Variants in LIFR observed in about 807,000 individuals in gnomAD.
The protein encoded by LIFR is LIF receptor subunit alpha.
In LIFR, 84 loss-of-function variants were observed where a neutral mutation model predicts 122.2. That is an observed-to-expected ratio of 0.69 (90% CI 0.58 to 0.82). The LOEUF (loss-of-function observed/expected upper bound fraction) is 0.82, where lower values mean the gene tolerates loss of function less well. LIFR is among the 40% of genes least tolerant of loss of function. The probability of loss-of-function intolerance (pLI) is 0.00; values close to 1 mark genes in which losing one functional copy is unlikely to be tolerated. For missense variants in LIFR, 1,294 were observed against 1,311.6 expected (o/e 0.99, Z 0.21); for synonymous variants, 422 against 434.7 (o/e 0.97, Z 0.36).
chr5:38,563,691 C>T (rs1488190199), intron 1 of LIFR, among the ~76,000 whole-genome samples: 1 of 152,200 alleles, frequency 6.6e-6, no homozygotes, highest in East Asian at 1.9e-4. Flanking sequence ...AGCCCATCCT[C>T]CCTACAATCC....
At chr5:38,576,447 A>T (rs1019000475) in intron 1 of LIFR, among the ~76,000 whole-genome samples, 8 of 152,310 alleles carry the variant, frequency 5.3e-5, no homozygotes, top group Non-Finnish European at 1.0e-4. Context: ...GGCACTCTTG[A>T]CATCCAGAGC....
chr5:38,572,198 G>C (rs1749236944), intron 1 of LIFR, among the ~76,000 whole-genome samples: 1 of 152,198 alleles, frequency 6.6e-6, no homozygotes, highest in Admixed American at 6.5e-5. Context: ...AGGCTATACA[G>C]GAAGCATAGC....
intron 1 of LIFR, among the ~76,000 whole-genome samples, chr5:38,592,425 A>G (rs1749950474): frequency 6.6e-6 from 1 of 152,164 alleles, no homozygotes; most frequent in African/African-American, 2.4e-5. Context: ...TGGGAGCCTG[A>G]GGTGGGCAGA....
At chr5:38,604,415 A>G (rs1004911034) in intron 2 of LIFR, among the ~76,000 whole-genome samples, 3 of 152,144 alleles carry the variant, frequency 2.0e-5, no homozygotes, top group Admixed American at 6.5e-5. Flanking sequence ...TAGAAAGCTT[A>G]TTTTGCCAAG....
chr5:38,479,611 C>A lies in LIFR; in HGVS notation c.*1984G>T. On this transcript the variant is annotated 3_prime_UTR_variant, in exon 20 of 20. Coordinates refer to ENST00000453190, the MANE Select transcript of LIFR (RefSeq NM_001127671.2). Reference sequence around the variant, plus strand: ...AAACTTTTACTGTAGCCACACTTATCCTTGTCCTGGAGAGATAAAGTACGG... The same window carrying A: ...AAACTTTTACTGTAGCCACACTTATACTTGTCCTGGAGAGATAAAGTACGG... The A allele has an allele frequency of 4.4e-6, 1 of 228,876 alleles. No individual in the cohort carries two copies. Among genetic ancestry groups the A allele is most frequent in the Non-Finnish European group, 8.7e-6 (1 of 115,326 alleles). The allele number at this position is 228,876 out of a possible 1,614,324, so 14.2% of individuals were successfully genotyped here. A position where few individuals can be genotyped will look rare whatever the true frequency, so the allele number is the denominator to read the frequency against.
intron 1 of LIFR, among the ~76,000 whole-genome samples, chr5:38,544,200 C>T (rs1254722116): frequency 6.6e-6 from 1 of 152,116 alleles, no homozygotes; most frequent in Non-Finnish European, 1.5e-5. Context: ...CCTCTTGTTT[C>T]CAGTCTTGCT....
chr5:38,576,603 A>C (rs1296536244), intron 1 of LIFR, among the ~76,000 whole-genome samples: 2 of 152,230 alleles, frequency 1.3e-5, no homozygotes, highest in Admixed American at 6.5e-5. Flanking sequence ...TCCGATAAGC[A>C]AACAACTACA....
chr5:38,596,306 T>C (rs1030812356), upstream of LIFR, among the ~76,000 whole-genome samples: 3 of 152,210 alleles, frequency 2.0e-5, no homozygotes, highest in African/African-American at 4.8e-5. Flanking sequence ...TCGTTAGGTA[T>C]GGGATCTGGG....
chr5:38,580,231 T>A (rs1450067709), intron 1 of LIFR, among the ~76,000 whole-genome samples: 1 of 152,190 alleles, frequency 6.6e-6, no homozygotes, highest in Non-Finnish European at 1.5e-5. Context: ...TAAGGTGCAA[T>A]GTGATTTATG....
Position 38,481,535 on chromosome 5 carries a change from T to C in LIFR, c.*60A>G, listed in dbSNP as rs1249775289. 5 of 1,559,552 alleles carry C rather than the reference T, an allele frequency of 3.2e-6. No homozygotes were observed. The African/African-American group carries it at 6.8e-5, about 21-fold the overall frequency. Reference sequence around the variant, plus strand: ...CCTCCAAGAATGCCCAGTGCTGATGTAGCAACACTAGCAGTAAGAGCTTAT... The same window carrying C: ...CCTCCAAGAATGCCCAGTGCTGATGCAGCAACACTAGCAGTAAGAGCTTAT... On this transcript the variant is annotated 3_prime_UTR_variant, in exon 20 of 20. Transcript: ENST00000453190.
upstream of LIFR, chr5:38,558,174 T>C (rs902124746): frequency 6.6e-6 from 1 of 152,020 alleles, no homozygotes; most frequent in African/African-American, 2.4e-5. Context: ...AATACAATCT[T>C]AAAATGTATG....
chr5:38,499,420 G>A (rs1745058417), intron 12 of LIFR, 93 bp downstream of exon 12: 2 of 856,918 alleles, frequency 2.3e-6, no homozygotes, highest in African/African-American at 3.3e-5. Context: ...GCCAGTCTGG[G>A]AAGTTTCAGC....
chr5:38,485,143 C>A (rs754345245), intron 17 of LIFR, among the ~76,000 whole-genome samples: 1 of 152,154 alleles, frequency 6.6e-6, no homozygotes, highest in African/African-American at 2.4e-5. Context: ...GGGAGACAGT[C>A]CTTGCACTAC....
intron 1 of LIFR, among the ~76,000 whole-genome samples, chr5:38,574,452 G>A (rs1749318265): frequency 6.6e-6 from 1 of 152,174 alleles, no homozygotes; most frequent in Non-Finnish European, 1.5e-5. Context: ...TTCCTTCCCA[G>A]TAAAATCAAT....
chr5:38,565,340 A>T (rs1173225012), intron 1 of LIFR, among the ~76,000 whole-genome samples: 1 of 152,198 alleles, frequency 6.6e-6, no homozygotes, highest in African/African-American at 2.4e-5. Flanking sequence ...GAAAAAGAAT[A>T]TTAAGTCCCA....
intron 9 of LIFR, among the ~76,000 whole-genome samples, chr5:38,504,706 A>G (rs1351375115): frequency 6.6e-6 from 1 of 152,250 alleles, no homozygotes; most frequent in Non-Finnish European, 1.5e-5. Flanking sequence ...GTGGCGGGAA[A>G]GAATCACATG....
At chr5:38,585,724 T>C (rs558872127) in intron 1 of LIFR, among the ~76,000 whole-genome samples, 1 of 151,498 alleles carries the variant, frequency 6.6e-6, no homozygotes, top group South Asian at 2.1e-4. Flanking sequence ...AGTTGCTCAT[T>C]TTTTTTTTCA....
rs1008772535 is a variant in LIFR at position 38,477,511 on chromosome 5, G to A, written c.*4084C>T. 5.6e-5 allele frequency: 12 copies of A among 216,192 alleles called. No homozygotes were observed. Among genetic ancestry groups the A allele is most frequent in the Non-Finnish European group, 2.8e-5 (3 of 107,382 alleles). 13.4% of individuals were successfully genotyped at this position (216,192 alleles called of 1,614,324 possible). A position where few individuals can be genotyped will look rare whatever the true frequency, so the allele number is the denominator to read the frequency against. On this transcript the variant is annotated 3_prime_UTR_variant, in exon 20 of 20. Coordinates refer to ENST00000453190, the MANE Select transcript of LIFR (RefSeq NM_001127671.2). ...GGACACACTGTTGGGCAGAACACAT[G>A]CTGGCTGGTACAAACATGCCCCAGT...
At chr5:38,498,269 T>C (rs914657026) in intron 12 of LIFR, among the ~76,000 whole-genome samples, 4 of 152,180 alleles carry the variant, frequency 2.6e-5, no homozygotes, top group Admixed American at 2.6e-4. Flanking sequence ...TCTCTAATTC[T>C]ATTTTCTTCG....
Sources: allele counts gnomAD v4.1 joint callset (sites outside exome capture counted in the v4.1 genomes callset), GRCh38; gene constraint gnomAD v4.1.1; transcripts MANE v1.5; gene names NCBI Gene and HGNC (gene_info 2026-07-23, HGNC 2026-07-21).